Variants in AXIN1 observed in about 807,000 individuals in gnomAD.
AXIN1 encodes the protein axin-1.
A neutral mutation model predicts 76.4 loss-of-function variants in AXIN1; 30 were observed. The observed-to-expected ratio is 0.39, with a 90% confidence interval of 0.29 to 0.53. AXIN1 has a LOEUF of 0.53. Among genes scored for constraint, AXIN1 ranks in the 20% least tolerant of loss-of-function variants. The probability of loss-of-function intolerance (pLI) is 0.66; values close to 1 mark genes in which losing one functional copy is unlikely to be tolerated. For missense variants in AXIN1, 1,140 were observed against 1,198.8 expected, an observed-to-expected ratio of 0.95 and a Z score of 0.72; for synonymous variants, 545 against 501.4, an observed-to-expected ratio of 1.09 and a Z score of -1.16.
intron 8 of AXIN1, chr16:292,191 A>G (rs2858003): frequency 0.38 from 57,402 of 152,222 alleles, 11,100 homozygotes; most frequent in African/African-American, 0.42. Context: ...CACGATGCCC[A>G]CCACGGCTCA....
At chr16:338,950 A>G (rs546939859) in intron 2 of AXIN1, among the ~76,000 whole-genome samples, 74 of 152,052 alleles carry the variant, frequency 4.9e-4, no homozygotes, top group Admixed American at 1.7e-3. Flanking sequence ...AGTGGGATGC[A>G]AGCTGGTGCT....
intron 2 of AXIN1, among the ~76,000 whole-genome samples, chr16:319,541 C>T (rs969953766): frequency 4.6e-5 from 7 of 152,284 alleles, no homozygotes; most frequent in African/African-American, 9.6e-5. Context: ...AGCCATGAGG[C>T]GGCCAGTGCA....
intron 3 of AXIN1, among the ~76,000 whole-genome samples, chr16:313,165 C>T (rs1235489178): frequency 2.0e-5 from 3 of 152,184 alleles, no homozygotes; most frequent in African/African-American, 2.4e-5. Context: ...ATTAGCCAGG[C>T]GTGGTGGCGC....
chr16:315,556 G>C (rs922568393), intron 2 of AXIN1, among the ~76,000 whole-genome samples: 3 of 152,128 alleles, frequency 2.0e-5, no homozygotes, highest in Non-Finnish European at 4.4e-5. Context: ...GGCCGGGTGC[G>C]GTGGCTCATG....
rs2052422058 is a variant in AXIN1 at position 287,781 on chromosome 16, G to C, written c.*341C>G. On this transcript the variant is annotated 3_prime_UTR_variant, in exon 11 of 11. Transcript: ENST00000262320. ...CCTGGGTACGTGGGCAAATCCCAGA[G>C]GGAAAGTAGATCCCAGCACACGTGC... The C allele has an allele frequency of 2.2e-6, 1 of 452,092 alleles. No individual in the cohort carries two copies. The highest frequency in any genetic ancestry group is 4.1e-6 in the Non-Finnish European group (1 of 242,606). 28.0% of individuals were successfully genotyped at this position (452,092 alleles called of 1,614,324 possible).
rs1046526541 is a variant in AXIN1 at position 287,514 on chromosome 16, C to T, written c.*608G>A. The stretch of plus-strand genomic sequence containing the variant: ...AGATAATTAATTGTACAAGTGTCAT[C>T]GCATGAAAAACAGACTCGGGCAGCC... On this transcript the variant is annotated 3_prime_UTR_variant, in exon 11 of 11. Coordinates refer to ENST00000262320, the MANE Select transcript of AXIN1 (RefSeq NM_003502.4). 2.8e-5 allele frequency: 9 copies of T among 325,174 alleles called. No homozygotes were observed. The East Asian group carries it at 3.8e-4, about 14-fold the overall frequency. 20.1% of individuals were successfully genotyped at this position (325,174 alleles called of 1,614,324 possible).
chr16:311,095 C>T (rs948935628), intron 3 of AXIN1, among the ~76,000 whole-genome samples: 11 of 81,266 alleles, frequency 1.4e-4, no homozygotes, highest in African/African-American at 5.3e-4. Flanking sequence ...TGTAGTGGCG[C>T]GATCTCGGAT....
chr16:320,873 G>A (rs919247349), intron 2 of AXIN1, among the ~76,000 whole-genome samples: 1 of 145,550 alleles, frequency 6.9e-6, no homozygotes, highest in Non-Finnish European at 1.5e-5. Flanking sequence ...CCGAGTAGCT[G>A]GGACTCCAGG....
chr16:321,038 A>G (rs967628366), intron 2 of AXIN1, among the ~76,000 whole-genome samples: 5 of 151,964 alleles, frequency 3.3e-5, no homozygotes, highest in Admixed American at 1.3e-4. Flanking sequence ...GCGCCTGCCC[A>G]CAAAAAATGT....
intron 1 of AXIN1, 117 bp from the exon 2 acceptor site, chr16:347,223 A>G (rs2054051162): frequency 1.1e-6 from 1 of 906,402 alleles, no homozygotes; most frequent in African/African-American, 1.7e-5. Context: ...CAAAGCAAGA[A>G]ACTCAGTTTA....
At chr16:299,950 C>G (rs111314581) in intron 5 of AXIN1, among the ~76,000 whole-genome samples, 2 of 150,424 alleles carry the variant, frequency 1.3e-5, no homozygotes, top group Non-Finnish European at 3.0e-5. Flanking sequence ...CCACCGTGCC[C>G]GGCCTATTTT....
intron 3 of AXIN1, among the ~76,000 whole-genome samples, chr16:310,649 G>A (rs1196481913): frequency 3.9e-5 from 6 of 152,310 alleles, no homozygotes; most frequent in Non-Finnish European, 7.3e-5. Flanking sequence ...CGCCCGCCTC[G>A]GCCTCGCAAA....
chr16:339,174 T>C (rs2053863937), intron 2 of AXIN1, among the ~76,000 whole-genome samples: 1 of 117,714 alleles, frequency 8.5e-6, no homozygotes. Context: ...GGTCAGGAGT[T>C]CAAAACCAGC....
At chr16:294,599 C>T (rs1043256558) in intron 7 of AXIN1, among the ~76,000 whole-genome samples, 15 of 150,360 alleles carry the variant, frequency 1.0e-4, no homozygotes, top group Non-Finnish European at 2.2e-4. Context: ...TACAAAAATA[C>T]AAAAAGTTAA....
At chr16:348,894 C>G (rs1170729565) in intron 1 of AXIN1, among the ~76,000 whole-genome samples, 1 of 151,652 alleles carries the variant, frequency 6.6e-6, no homozygotes, top group East Asian at 2.0e-4. Context: ...GTCAAGAGAT[C>G]GAGACCATCC....
chr16:291,419 G>A (rs1010196037), intron 8 of AXIN1, 122 bp from the exon 9 acceptor site: 15 of 822,950 alleles, frequency 1.8e-5, no homozygotes, highest in Non-Finnish European at 3.0e-5. Flanking sequence ...AACCCACCCT[G>A]CGCAGGCTCC....
At position 297,053 on chromosome 16, in the gene AXIN1, C is replaced by A; in HGVS notation, c.1955+3G>T. ...CGAGGCTGGCTGCGTGCGGGGTGCT[C>A]ACCCGTGGCCGGTCCTGCGGTGCCT... On this transcript the variant is annotated splice_donor_region_variant and intron_variant, in intron 7 of 10. Transcript: ENST00000262320. 6.2e-7 allele frequency: 1 copy of A among 1,610,426 alleles called. No homozygotes were observed. Among genetic ancestry groups the A allele is most frequent in the South Asian group, 1.1e-5 (1 of 91,080 alleles).
chr16:322,323 C>G (rs1476896674), intron 2 of AXIN1, among the ~76,000 whole-genome samples: 2 of 152,194 alleles, frequency 1.3e-5, no homozygotes, highest in Non-Finnish European at 2.9e-5. Context: ...TGCGGTCTAA[C>G]GGGAGGCAAT....
At chr16:318,981 C>CTG (rs1206871639) in intron 2 of AXIN1, among the ~76,000 whole-genome samples, 2 of 151,694 alleles carry the variant, frequency 1.3e-5, no homozygotes, top group Admixed American at 6.6e-5. Context: ...GCGGCTCTGG[C>CTG]TGTGCGGAGA....
Sources: allele counts gnomAD v4.1 joint callset (sites outside exome capture counted in the v4.1 genomes callset), GRCh38; gene constraint gnomAD v4.1.1; transcripts MANE v1.5; gene names NCBI Gene and HGNC (gene_info 2026-07-23, HGNC 2026-07-21).